The following FLT3 variants were observed in gnomAD, a reference collection of about 807,000 sequenced individuals.
The protein encoded by FLT3 is receptor-type tyrosine-protein kinase FLT3.
In FLT3, 46 loss-of-function variants were observed where a neutral mutation model predicts 126.6. The ratio of observed to expected loss-of-function variants is 0.36; its 90% CI spans 0.29 to 0.46. The LOEUF is 0.46. FLT3 is among the 20% of genes least tolerant of loss of function. FLT3 has a pLI of 1.00. For missense variants in FLT3, 1,069 were observed against 1,190.3 expected (o/e 0.90, Z 1.50); for synonymous variants, 404 against 434.4 (o/e 0.93, Z 0.87).
intron 1 of FLT3, among the ~76,000 whole-genome samples, chr13:28,080,963 C>T (rs9581982): frequency 0.03 from 4,602 of 152,182 alleles, 138 homozygotes; most frequent in Middle Eastern, 0.075. Context: ...GTTTCTAGGT[C>T]GCAAATCACT....
At chr13:28,098,814 G>A (rs910107039) in intron 1 of FLT3, among the ~76,000 whole-genome samples, 2 of 152,044 alleles carry the variant, frequency 1.3e-5, no homozygotes, top group African/African-American at 4.8e-5. Context: ...AGAGAACAAG[G>A]TTGAATCTTA....
At chr13:28,060,867 A>T (rs373467602) in intron 3 of FLT3, among the ~76,000 whole-genome samples, 5 of 151,740 alleles carry the variant, frequency 3.3e-5, no homozygotes, top group African/African-American at 1.2e-4. Context: ...GGCCTCCCAA[A>T]GTGCTGGGAT....
chr13:28,024,899 T>C lies in FLT3; in HGVS notation c.2252A>G (p.Gln751Arg). 6.2e-7 allele frequency: 1 copy of C among 1,612,672 alleles called. No homozygotes were observed. The highest frequency in any genetic ancestry group is 8.5e-7 in the Non-Finnish European group (1 of 1,179,424). The change falls in exon 18 of 24, where the codon CAA becomes CGA. Residue 751 changes from glutamine to arginine, a missense_variant. By Grantham distance (43) the Gln-to-Arg change is conservative (BLOSUM62 1). Transcript: ENST00000241453. ...TGAATTCCCATGAAGCCCTGAGATT[T>C]GATCCGAGTCCGGGTGTATCTGAAC... ...REVQIHPDSD[Q>R]ISGLHGNSFH...
At chr13:28,005,479 T>C (rs1870799600) in intron 23 of FLT3, among the ~76,000 whole-genome samples, 1 of 152,232 alleles carries the variant, frequency 6.6e-6, no homozygotes, top group South Asian at 2.1e-4. Flanking sequence ...ATTATACTGC[T>C]CATATGTTGC....
chr13:28,051,457 G>A (rs1400383386), intron 5 of FLT3, among the ~76,000 whole-genome samples: 3 of 150,974 alleles, frequency 2.0e-5, no homozygotes, highest in Non-Finnish European at 4.4e-5. Context: ...GGCTGGTCTC[G>A]AACCCCCAAC....
chr13:28,083,950 AT>A (rs891310219), intron 1 of FLT3, among the ~76,000 whole-genome samples: 8 of 151,330 alleles, frequency 5.3e-5, no homozygotes, highest in African/African-American at 1.9e-4. Flanking sequence ...TTAATTTCTA[AT>A]TTTTTTGTTT....
At chr13:28,084,043 A>G (rs539912970) in intron 1 of FLT3, among the ~76,000 whole-genome samples, 1 of 152,032 alleles carries the variant, frequency 6.6e-6, no homozygotes, top group Non-Finnish European at 1.5e-5. Context: ...TTTTAAAAGA[A>G]ATGGTGTTTT....
intron 9 of FLT3, among the ~76,000 whole-genome samples, chr13:28,041,214 G>C (rs1874347151): frequency 6.6e-6 from 1 of 152,124 alleles, no homozygotes; most frequent in African/African-American, 2.4e-5. Context: ...GTGTGGAAGA[G>C]GCTGGCGTGG....
rs200925768 is a variant in FLT3, at chr13:28,057,306, T to C, written c.484+41A>G. The C allele has an allele frequency of 5.0e-4, 435 of 872,544 alleles. No individual in the cohort carries two copies. In the African/African-American group the frequency reaches 6.4e-3, roughly 13 times the overall value. The allele number at this position is 872,544 out of a possible 1,614,324, so 54.1% of individuals were successfully genotyped here. On this transcript the variant is annotated intron_variant, in intron 4 of 23. Transcript: ENST00000241453. ...TCTAAACCACTCCTTTGAAATATTG[T>C]GGTATTCCAGGCTGGAATACTAGTA...
intron 1 of FLT3, among the ~76,000 whole-genome samples, chr13:28,087,824 T>C (rs568000437): frequency 3.3e-5 from 5 of 152,328 alleles, no homozygotes; most frequent in South Asian, 2.1e-4. Context: ...CCAGTGTAAT[T>C]GAGTTTTCAT....
intron 1 of FLT3, among the ~76,000 whole-genome samples, chr13:28,074,059 C>T (rs1465493522): frequency 1.3e-5 from 2 of 152,062 alleles, no homozygotes; most frequent in African/African-American, 2.4e-5. Context: ...CTGCTACCAA[C>T]CCCATTCCCC....
intron 16 of FLT3, 44 bp from the exon 17 acceptor site, chr13:28,027,285 CTG>C (rs1404416799): frequency 1.3e-6 from 2 of 1,525,044 alleles, no homozygotes; most frequent in African/African-American, 1.4e-5. Context: ...ACAAAGCAAA[CTG>C]TTATTTCAGA....
At position 28,050,193 on chromosome 13, in the gene FLT3, T is replaced by C. The variant is rs925177359; in HGVS notation, c.644A>G (p.Lys215Arg). 6.2e-7 allele frequency: 1 copy of C among 1,614,038 alleles called. No homozygotes were observed. The highest frequency in any genetic ancestry group is 1.3e-5 in the African/African-American group (1 of 74,942). Reference protein sequence around the residue: ...SCKEESPAVVKKEEKVLHELF... With the variant: ...SCKEESPAVVRKEEKVLHELF... Reference sequence around the variant, plus strand: ...TTCATGAAGCACTTTTTCCTCCTTTTTAACAACAGCTGGACTTTCTTCTTT... The same window carrying C: ...TTCATGAAGCACTTTTTCCTCCTTTCTAACAACAGCTGGACTTTCTTCTTT... Residue 215 changes from lysine to arginine, a missense_variant, in exon 6 of 24, where the codon AAA becomes AGA. Lys to Arg is a conservative substitution (Grantham distance 26, BLOSUM62 2). Coordinates refer to ENST00000241453, the MANE Select transcript of FLT3 (RefSeq NM_004119.3).
chr13:28,057,540 G>T, intron 3 of FLT3, 78 bp from the exon 4 acceptor site: 1 of 764,310 alleles, frequency 1.3e-6, no homozygotes, highest in Non-Finnish European at 2.4e-6. Flanking sequence ...GACTAAAAAG[G>T]CAGTTTGGTA....
chr13:28,004,160 CA>C lies in FLT3; in HGVS notation c.2873del (p.Val958GlyfsTer41), dbSNP rs748134082. On this transcript the variant is annotated frameshift_variant, in exon 24 of 24. Transcript: ENST00000241453. LOFTEE classifies it low-confidence loss of function (END_TRUNC). ...ADAEEAMYQNVDGRVSECPHT... is the reference protein window; with the variant it reads ...ADAEEAMYQNXDGRVSECPHT... ...GAGGACATTCCGAAACACGGCCATC[CA>C]CATTCTGATACATCTGAATGTGGGA... is the stretch of plus-strand genomic sequence containing the variant. The C allele has an allele frequency of 6.2e-7, 1 of 1,613,948 alleles. No homozygotes were observed. The highest frequency in any genetic ancestry group is 8.5e-7 in the Non-Finnish European group (1 of 1,180,020).
intron 23 of FLT3, among the ~76,000 whole-genome samples, chr13:28,013,162 T>G (rs1186213915): frequency 2.6e-5 from 4 of 152,186 alleles, no homozygotes; most frequent in Non-Finnish European, 4.4e-5. Flanking sequence ...CCATGTCATT[T>G]TCAAAAAAAT....
chr13:28,035,850 C>T, intron 11 of FLT3, 85 bp downstream of exon 11: 1 of 1,253,158 alleles, frequency 8.0e-7, no homozygotes, highest in Non-Finnish European at 1.2e-6. Flanking sequence ...TTCATCATTT[C>T]CTCTTAAACT....
intron 19 of FLT3, among the ~76,000 whole-genome samples, chr13:28,019,844 C>T (rs899784943): frequency 8.5e-5 from 13 of 152,156 alleles, no homozygotes; most frequent in African/African-American, 1.2e-4. Context: ...ACTGCTCTGC[C>T]GGCTCCTGTC....
intron 15 of FLT3, among the ~76,000 whole-genome samples, chr13:28,033,442 T>TA (rs1282671903): frequency 6.6e-6 from 1 of 152,098 alleles, no homozygotes; most frequent in African/African-American, 2.4e-5. Context: ...GGCGGGCAGA[T>TA]AGTTTGAGCT....
Sources: allele counts gnomAD v4.1 joint callset (sites outside exome capture counted in the v4.1 genomes callset), GRCh38; gene constraint gnomAD v4.1.1; transcripts MANE v1.5; gene names NCBI Gene and HGNC (gene_info 2026-07-23, HGNC 2026-07-21).